Variants in FSIP2 observed in about 807,000 individuals in gnomAD.
FSIP2 encodes fibrous sheath interacting protein 2, also known as fibrous sheath-interacting protein 2.
FSIP2 carries 367 observed loss-of-function variants against 510.5 expected under a neutral mutation model. The ratio of observed to expected loss-of-function variants is 0.72; its 90% CI spans 0.66 to 0.78. FSIP2 has a LOEUF of 0.78. Ranked by LOEUF, FSIP2 falls within the 30% of genes least tolerant of loss-of-function variation. The pLI is 0.00. For missense variants in FSIP2, 7,594 were observed against 7,901.7 expected, an observed-to-expected ratio of 0.96 and a Z score of 1.48; for synonymous variants, 2,601 against 2,732.2, an observed-to-expected ratio of 0.95 and a Z score of 1.50.
intron 2 of FSIP2, 30 bp downstream of exon 2, chr2:185,739,501 T>C: frequency 6.9e-7 from 1 of 1,454,830 alleles, no homozygotes; most frequent in Non-Finnish European, 9.1e-7. Context: ...CTTTCTTTCC[T>C]TTACCCTTTA....
Position 185,805,252 on chromosome 2 carries a change from G to C in FSIP2, c.15946G>C (p.Ala5316Pro). The change falls in exon 17 of 23, where the codon GCA becomes CCA. Residue 5316 changes from alanine (A) to proline (P), a missense_variant. Coordinates refer to ENST00000424728, the MANE Select transcript of FSIP2 (RefSeq NM_173651.4). ...TATTATGGGCTTGGCTCTAAAACTT[G>C]CAAATTCTCTGATAAGGGAATTTAA... is the stretch of plus-strand genomic sequence containing the variant. ...LDIMGLALKL[A>P]NSLIREFKKS... 6.3e-7 allele frequency: 1 copy of C among 1,589,484 alleles called. No individual in the cohort carries two copies. The highest frequency in any genetic ancestry group is 1.2e-5 in the South Asian group (1 of 86,352).
chr2:185,817,474 T>C (rs1693846450), intron 19 of FSIP2, among the ~76,000 whole-genome samples: 1 of 151,832 alleles, frequency 6.6e-6, no homozygotes, highest in Non-Finnish European at 1.5e-5. Context: ...AAAAAGCAGC[T>C]CAGAAAAACT....
intron 10 of FSIP2, 112 bp downstream of exon 10, chr2:185,761,215 T>G (rs1406240407): frequency 7.4e-6 from 3 of 407,704 alleles, no homozygotes; most frequent in Non-Finnish European, 1.3e-5. Flanking sequence ...TTAGGGATAC[T>G]GAGTTTTATT....
At chr2:185,822,843 A>ATATAAAGACAGACT (rs1460574826) in intron 19 of FSIP2, among the ~76,000 whole-genome samples, 6 of 151,940 alleles carry the variant, frequency 3.9e-5, no homozygotes, top group African/African-American at 1.4e-4. Context: ...TGTGATACTG[A>ATATAAAGACAGACT]TATAAAGACA....
intron 5 of FSIP2, among the ~76,000 whole-genome samples, chr2:185,746,066 G>A (rs951920263): frequency 2.6e-5 from 4 of 152,048 alleles, no homozygotes; most frequent in Non-Finnish European, 4.4e-5. Context: ...GGAAGTAAAG[G>A]ATGTTATAGT....
At chr2:185,772,219 TC>T (rs1157063427) in intron 13 of FSIP2, among the ~76,000 whole-genome samples, 1 of 152,184 alleles carries the variant, frequency 6.6e-6, no homozygotes, top group Non-Finnish European at 1.5e-5. Flanking sequence ...TTTCCTGTGT[TC>T]TTCAGAGCCA....
chr2:185,805,106 C>T lies in FSIP2; in HGVS notation c.15800C>T (p.Thr5267Ile). 1 of 1,607,148 alleles carries T rather than the reference C, an allele frequency of 6.2e-7. No homozygotes were observed. Among genetic ancestry groups the T allele is most frequent in the Non-Finnish European group, 8.5e-7 (1 of 1,177,166 alleles). Residue 5267 changes from threonine to isoleucine, a missense_variant, in exon 17 of 23, where the codon ACA (threonine) becomes ATA (isoleucine). Transcript: ENST00000424728. ...SELAKSGKEK[T>I]QPSLYSATFL... ...CTTGCTAAATCTGGTAAAGAAAAGA[C>T]ACAGCCTTCTCTCTATTCAGCTACA... is the stretch of plus-strand genomic sequence containing the variant.
chr2:185,827,706 TTAA>T (rs1278995426), intron 20 of FSIP2, among the ~76,000 whole-genome samples: 2 of 151,912 alleles, frequency 1.3e-5, no homozygotes, highest in Non-Finnish European at 2.9e-5. Flanking sequence ...AAGTTACTAT[TTAA>T]TAATACCAGT....
chr2:185,770,398 T>C (rs1194815279), intron 13 of FSIP2, among the ~76,000 whole-genome samples: 1 of 152,060 alleles, frequency 6.6e-6, no homozygotes, highest in East Asian at 1.9e-4. Context: ...GGCACCAGAA[T>C]TGCTTCTGCT....
rs1428382202 is a variant in FSIP2 at position 185,833,203 on chromosome 2, C to A, written c.20701C>A (p.Pro6901Thr). The A allele has an allele frequency of 6.2e-7, 1 of 1,610,480 alleles. No homozygotes were observed. Among genetic ancestry groups the A allele is most frequent in the East Asian group, 2.2e-5 (1 of 44,766 alleles). The change falls in exon 23 of 23, where the codon CCA becomes ACA. Residue 6901 changes from proline to threonine, a missense_variant. Coordinates refer to ENST00000424728, the MANE Select transcript of FSIP2 (RefSeq NM_173651.4). Reference sequence around the variant, plus strand: ...CACCAATATTTCCAGATCTTCCTCACCAGCTCACCAGGATGAACACTGAAG... The same window carrying A: ...CACCAATATTTCCAGATCTTCCTCAACAGCTCACCAGGATGAACACTGAAG... ...CNTNISRSSS[P>T]AHQDEH is the part of the protein sequence containing the mutation.
At chr2:185,739,738 A>AT (rs1691884242) in intron 2 of FSIP2, among the ~76,000 whole-genome samples, 1 of 152,188 alleles carries the variant, frequency 6.6e-6, no homozygotes, top group South Asian at 2.1e-4. Flanking sequence ...CTTATAATAA[A>AT]ACTTCATATA....
chr2:185,763,318 C>A (rs1464289129), intron 12 of FSIP2, 29 bp downstream of exon 12: 2 of 864,442 alleles, frequency 2.3e-6, no homozygotes, highest in African/African-American at 1.7e-5. Flanking sequence ...ACCCCAAATA[C>A]AAACACAATA....
In FSIP2 at chr2:185,796,653, GA is replaced by G. The variant is rs1693286626; in HGVS notation, c.9519del (p.Gly3174ValfsTer10). Reference protein sequence around the residue: ...NMKMFTSKLKEGSLGINPSQV... With the variant: ...NMKMFTSKLKXGSLGINPSQV... Reference sequence around the variant, plus strand: ...GAAAATGTTCACATCAAAGTTAAAGGAAGGTAGTTTGGGGATTAATCCTTCA... The same window carrying G: ...GAAAATGTTCACATCAAAGTTAAAGGAGGTAGTTTGGGGATTAATCCTTCA... On this transcript the variant is annotated frameshift_variant, in exon 16 of 23. Transcript: ENST00000424728. LOFTEE classifies it high-confidence loss of function. The G allele has an allele frequency of 6.5e-7, 1 of 1,535,120 alleles. No individual in the cohort carries two copies. Among genetic ancestry groups the G allele is most frequent in the Non-Finnish European group, 8.7e-7 (1 of 1,146,276 alleles).
At chr2:185,763,103 A>G (rs1002039552) in intron 11 of FSIP2, 80 bp from the exon 12 acceptor site, 8 of 690,636 alleles carry the variant, frequency 1.2e-5, no homozygotes, top group Non-Finnish European at 2.1e-5. Context: ...AGAATGTTGG[A>G]GTAATGCTGT....
At chr2:185,743,605 T>A (rs1691968928) in intron 3 of FSIP2, among the ~76,000 whole-genome samples, 1 of 152,182 alleles carries the variant, frequency 6.6e-6, no homozygotes, top group South Asian at 2.1e-4. Context: ...CTGTCTTTAA[T>A]GGCACTGTAT....
intron 17 of FSIP2, among the ~76,000 whole-genome samples, chr2:185,812,005 G>A (rs1449102293): frequency 6.6e-6 from 1 of 152,082 alleles, no homozygotes; most frequent in Non-Finnish European, 1.5e-5. Flanking sequence ...ATACAGAGGG[G>A]GCATGTTAAG....
chr2:185,775,211 G>C (rs1465631789), intron 13 of FSIP2, among the ~76,000 whole-genome samples: 1 of 146,648 alleles, frequency 6.8e-6, no homozygotes, highest in Non-Finnish European at 1.5e-5. Context: ...GTGTAAAAGC[G>C]TTCCTATTTC....
intron 19 of FSIP2, among the ~76,000 whole-genome samples, chr2:185,822,046 A>G (rs1002596661): frequency 7.9e-5 from 12 of 152,022 alleles, no homozygotes; most frequent in African/African-American, 2.7e-4. Context: ...GACTCAGCAG[A>G]GCAGGAAGAG....
At position 185,806,035 on chromosome 2, in the gene FSIP2, G is replaced by A; in HGVS notation, c.16729G>A (p.Gly5577Arg). The change falls in exon 17 of 23, where the codon GGG becomes AGG. Residue 5577 changes from glycine (G) to arginine (R), a missense_variant. Coordinates refer to ENST00000424728, the MANE Select transcript of FSIP2 (RefSeq NM_173651.4). The stretch of plus-strand genomic sequence containing the variant: ...AAATTTAATTCCAACAGATAAAAAA[G>A]GGAAAGATGATGAGATATACACACA... ...KRNLIPTDKKGKDDEIYTHFS... is the reference protein window; with the variant it reads ...KRNLIPTDKKRKDDEIYTHFS... 3 of 1,551,180 alleles carry A rather than the reference G, an allele frequency of 1.9e-6. No individual in the cohort carries two copies. Among genetic ancestry groups the A allele is most frequent in the Non-Finnish European group, 1.7e-6 (2 of 1,144,962 alleles).
Sources: gnomAD v4.1 joint callset for allele counts (sites outside exome capture counted in the v4.1 genomes callset) on GRCh38, gnomAD v4.1.1 for gene constraint, MANE v1.5 for transcripts, NCBI Gene and HGNC (gene_info 2026-07-23, HGNC 2026-07-21) for gene names.